The following DTNA variants were observed in gnomAD, a reference collection of about 807,000 sequenced individuals.
DTNA encodes the protein dystrophin-related protein 3.
DTNA carries 43 observed loss-of-function variants against 100.7 expected under a neutral mutation model. The observed-to-expected ratio is 0.43, with a 90% confidence interval of 0.33 to 0.55. The LOEUF (loss-of-function observed/expected upper bound fraction) is 0.55, where lower values mean the gene tolerates loss of function less well. DTNA is among the 20% of genes least tolerant of loss of function. The pLI is 0.04. For synonymous variants in DTNA, 349 were observed against 347.9 expected (o/e 1.00, Z -0.04); for missense variants, 798 against 953.9 (o/e 0.84, Z 2.15).
At chr18:34,662,728 C>T (rs1433352212) in intron 1 of DTNA, 1 of 152,166 alleles carries the variant, frequency 6.6e-6, no homozygotes, top group Non-Finnish European at 1.5e-5. Context: ...TCATAGCTAA[C>T]ATCTGTTGAG....
chr18:34,649,757 A>G (rs2060241391), intron 1 of DTNA, among the ~76,000 whole-genome samples: 2 of 152,150 alleles, frequency 1.3e-5, no homozygotes, highest in South Asian at 4.1e-4. Flanking sequence ...TTTTACCTAC[A>G]TTCTGTTTTA....
At chr18:34,508,102 TG>T (rs1009028231) in intron 1 of DTNA, among the ~76,000 whole-genome samples, 1 of 152,180 alleles carries the variant, frequency 6.6e-6, no homozygotes, top group Non-Finnish European at 1.5e-5. Flanking sequence ...TCTGATTTTG[TG>T]GTTGACATCA....
At chr18:34,874,775 C>T (rs1260860399) in intron 17 of DTNA, among the ~76,000 whole-genome samples, 2 of 152,170 alleles carry the variant, frequency 1.3e-5, no homozygotes, top group Non-Finnish European at 2.9e-5. Flanking sequence ...TATTGTATGA[C>T]ATGATTTAAA....
chr18:34,498,352 G>A (rs2039494200), intron 1 of DTNA, among the ~76,000 whole-genome samples: 1 of 151,546 alleles, frequency 6.6e-6, no homozygotes, highest in Admixed American at 6.6e-5. Context: ...AGAATGGTGT[G>A]AACCCGGGAG....
At chr18:34,832,623 G>C (rs186027502) in intron 11 of DTNA, among the ~76,000 whole-genome samples, 41 of 152,138 alleles carry the variant, frequency 2.7e-4, no homozygotes, top group Admixed American at 5.2e-4. Context: ...TTTTTTCCAT[G>C]GTACCTGTTT....
At chr18:34,572,752 C>T (rs1183227883) in intron 1 of DTNA, among the ~76,000 whole-genome samples, 2 of 152,164 alleles carry the variant, frequency 1.3e-5, no homozygotes, top group Admixed American at 1.3e-4. Context: ...CTAACTCCCA[C>T]ACCTGCTGTA....
intron 1 of DTNA, among the ~76,000 whole-genome samples, chr18:34,671,234 G>A (rs1016870893): frequency 7.2e-5 from 11 of 152,198 alleles, no homozygotes; most frequent in Admixed American, 2.0e-4. Context: ...CGAGCCATGC[G>A]CAGGATATAA....
chr18:34,618,716 C>T (rs1395140358), intron 1 of DTNA, among the ~76,000 whole-genome samples: 1 of 152,110 alleles, frequency 6.6e-6, no homozygotes, highest in Non-Finnish European at 1.5e-5. Flanking sequence ...GCAATATTGC[C>T]TAAGCATTTT....
At chr18:34,650,727 T>C (rs2060346981) in intron 1 of DTNA, among the ~76,000 whole-genome samples, 1 of 152,148 alleles carries the variant, frequency 6.6e-6, no homozygotes, top group African/African-American at 2.4e-5. Flanking sequence ...TAACATAAAA[T>C]TAGTGCACTG....
chr18:34,502,543 T>C (rs1480190377), intron 1 of DTNA, among the ~76,000 whole-genome samples: 1 of 152,184 alleles, frequency 6.6e-6, no homozygotes, highest in Non-Finnish European at 1.5e-5. Context: ...CCCATACATT[T>C]TTGTATATTG....
chr18:34,774,490 T>A (rs926522756), intron 3 of DTNA, among the ~76,000 whole-genome samples: 1 of 152,364 alleles, frequency 6.6e-6, no homozygotes, highest in African/African-American at 2.4e-5. Context: ...TGAGGTTTTG[T>A]TAACATTCAT....
chr18:34,585,065 A>G (rs1343793679), intron 1 of DTNA, among the ~76,000 whole-genome samples: 1 of 152,222 alleles, frequency 6.6e-6, no homozygotes, highest in African/African-American at 2.4e-5. Context: ...AAGTTCTCCA[A>G]AAATGAGTTT....
chr18:34,680,958 T>A (rs1048842537), intron 1 of DTNA, among the ~76,000 whole-genome samples: 4 of 152,092 alleles, frequency 2.6e-5, no homozygotes, highest in African/African-American at 9.7e-5. Context: ...CCTCCCCTCC[T>A]ACATGTTACC....
At chr18:34,527,956 C>A (rs1025379884) in intron 1 of DTNA, among the ~76,000 whole-genome samples, 22 of 152,038 alleles carry the variant, frequency 1.4e-4, no homozygotes, top group African/African-American at 5.3e-4. Flanking sequence ...TTATGCCCAG[C>A]CTTTAGTAAA....
chr18:34,581,122 G>A (rs979673493), intron 1 of DTNA, among the ~76,000 whole-genome samples: 8 of 152,112 alleles, frequency 5.3e-5, no homozygotes, highest in South Asian at 2.1e-4. Flanking sequence ...GGTGGCGTGC[G>A]CCTGTATCCC....
At chr18:34,499,289 A>G (rs1257077915) in intron 1 of DTNA, among the ~76,000 whole-genome samples, 1 of 152,198 alleles carries the variant, frequency 6.6e-6, no homozygotes, top group African/African-American at 2.4e-5. Context: ...CTGGAGATTT[A>G]TCTAGGTTGT....
chr18:34,811,871 T>C, intron 5 of DTNA, 88 bp from the exon 6 acceptor site: 2 of 1,492,126 alleles, frequency 1.3e-6, no homozygotes, highest in Non-Finnish European at 1.8e-6. Flanking sequence ...ATTTTGCTAC[T>C]TTTTTGTCAT....
chr18:34,505,618 T>C (rs922973820), intron 1 of DTNA, among the ~76,000 whole-genome samples: 1 of 152,216 alleles, frequency 6.6e-6, no homozygotes, highest in Admixed American at 6.5e-5. Context: ...CATTCTGCTC[T>C]TGAGCCCACC....
At chr18:34,509,004 T>C (rs2040772146) in intron 1 of DTNA, among the ~76,000 whole-genome samples, 1 of 152,166 alleles carries the variant, frequency 6.6e-6, no homozygotes, top group Admixed American at 6.6e-5. Context: ...CCAGTTGTCT[T>C]AGGCTCTTTT....
Sources: gnomAD v4.1 joint callset for allele counts (sites outside exome capture counted in the v4.1 genomes callset) on GRCh38, gnomAD v4.1.1 for gene constraint, MANE v1.5 for transcripts, NCBI Gene and HGNC (gene_info 2026-07-23, HGNC 2026-07-21) for gene names.